ROBO2: variants seen among roughly 807,000 people sequenced by gnomAD.
ROBO2 encodes the protein roundabout guidance receptor 2, also known as roundabout homolog 2.
Under a neutral mutation model 160.8 loss-of-function variants are expected in ROBO2, and 53 were observed. The observed-to-expected ratio is 0.33, with a 90% confidence interval of 0.26 to 0.41. ROBO2 has a LOEUF of 0.41. Ranked by LOEUF, ROBO2 falls within the 10% of genes least tolerant of loss-of-function variation. ROBO2 has a pLI of 1.00. For synonymous variants in ROBO2, 664 were observed against 611.7 expected (o/e 1.09, Z -1.26); for missense variants, 1,577 against 1,722.4 (o/e 0.92, Z 1.49).
At chr3:77,086,322 T>C (rs933770310) in intron 1 of ROBO2, among the ~76,000 whole-genome samples, 2 of 152,098 alleles carry the variant, frequency 1.3e-5, no homozygotes, top group African/African-American at 4.8e-5. Context: ...CATTCAATCT[T>C]CTCAGCAATG....
At chr3:77,528,913 G>C (rs754716693) in intron 6 of ROBO2, among the ~76,000 whole-genome samples, 3 of 151,376 alleles carry the variant, frequency 2.0e-5, no homozygotes, top group African/African-American at 4.8e-5. Flanking sequence ...TATTTGTAGG[G>C]ATTCCTGTTA....
At chr3:76,204,754 C>T (rs187772473) in intron 2 of ROBO2, among the ~76,000 whole-genome samples, 1 of 152,134 alleles carries the variant, frequency 6.6e-6, no homozygotes, top group African/African-American at 2.4e-5. Flanking sequence ...AATCTGAGTT[C>T]ATCTTGCAGA....
At chr3:77,255,544 GA>G (rs1363490219) in intron 2 of ROBO2, among the ~76,000 whole-genome samples, 14 of 152,288 alleles carry the variant, frequency 9.2e-5, no homozygotes, top group African/African-American at 3.4e-4. Flanking sequence ...CCCACTTTCT[GA>G]ACTCAGGAAC....
intron 2 of ROBO2, among the ~76,000 whole-genome samples, chr3:76,318,674 G>A (rs1414957488): frequency 6.6e-6 from 1 of 152,074 alleles, no homozygotes; most frequent in Non-Finnish European, 1.5e-5. Context: ...TTACAACTTA[G>A]CTATAAAATT....
chr3:77,343,470 T>C (rs1338769045), intron 2 of ROBO2, among the ~76,000 whole-genome samples: 1 of 152,180 alleles, frequency 6.6e-6, no homozygotes, highest in East Asian at 1.9e-4. Context: ...ACAAGAAATT[T>C]ACTATTGATT....
At chr3:77,009,389 C>G (rs976904052) in intron 2 of ROBO2, among the ~76,000 whole-genome samples, 1 of 152,038 alleles carries the variant, frequency 6.6e-6, no homozygotes, top group Non-Finnish European at 1.5e-5. Context: ...TATATTAAAT[C>G]CAAGTTTTTA....
chr3:77,144,047 C>T (rs191924812), intron 2 of ROBO2, among the ~76,000 whole-genome samples: 13 of 152,206 alleles, frequency 8.5e-5, no homozygotes, highest in African/African-American at 1.7e-4. Flanking sequence ...CTGCATGATC[C>T]GATCTTACCT....
chr3:77,319,436 A>G (rs566128138), intron 2 of ROBO2, among the ~76,000 whole-genome samples: 12 of 152,302 alleles, frequency 7.9e-5, no homozygotes, highest in African/African-American at 2.6e-4. Flanking sequence ...AAGTTTCTGC[A>G]AACTGATAAC....
intron 2 of ROBO2, among the ~76,000 whole-genome samples, chr3:76,870,502 T>C (rs2071914245): frequency 6.6e-6 from 1 of 152,178 alleles, no homozygotes; most frequent in African/African-American, 2.4e-5. Flanking sequence ...CCCATTTCCA[T>C]GAGATGTGTG....
rs140745220 is a variant in ROBO2 at position 77,266,627 on chromosome 3, C to A, written c.388+168287C>A. ...TCTTGGAACGTTGGGTAGTGATGAACTTTGGACCAGGAAGACTTCTGTATA... is the reference window on the plus strand; with the variant it reads ...TCTTGGAACGTTGGGTAGTGATGAAATTTGGACCAGGAAGACTTCTGTATA... On this transcript the variant is annotated intron_variant, in intron 2 of 25. Transcript: ENST00000461745. 2.4e-3 allele frequency among the ~76,000 whole-genome samples: 370 copies of A among 152,238 alleles called. 2 individuals carry two copies. The highest frequency in any genetic ancestry group is 8.6e-3 in the African/African-American group (358 of 41,564).
intron 4 of ROBO2, among the ~76,000 whole-genome samples, chr3:77,487,488 A>G (rs2085510711): frequency 1.3e-5 from 2 of 152,208 alleles, no homozygotes; most frequent in African/African-American, 4.8e-5. Flanking sequence ...AGTTCTAGCC[A>G]AAAAGAAACT....
At chr3:77,044,676 AC>A (rs1285746655) in intron 1 of ROBO2, among the ~76,000 whole-genome samples, 1 of 152,114 alleles carries the variant, frequency 6.6e-6, no homozygotes, top group Non-Finnish European at 1.5e-5. Flanking sequence ...ATAATATTTT[AC>A]CTTTAGGTAT....
chr3:77,294,585 G>C (rs1441910261), intron 2 of ROBO2, among the ~76,000 whole-genome samples: 4 of 147,932 alleles, frequency 2.7e-5, no homozygotes, highest in Non-Finnish European at 3.0e-5. Flanking sequence ...AAACAGGTAA[G>C]CTGAGGCTAG....
chr3:76,338,377 T>A (rs7623766), intron 2 of ROBO2, among the ~76,000 whole-genome samples: 130,832 of 152,146 alleles, frequency 0.86, 57,858 homozygotes, highest in Non-Finnish European at 0.98. Context: ...GTTAGTCATA[T>A]AGCAATTTGA....
intron 5 of ROBO2, among the ~76,000 whole-genome samples, chr3:77,500,446 G>A (rs553882078): frequency 1.3e-5 from 2 of 152,096 alleles, no homozygotes; most frequent in South Asian, 4.2e-4. Context: ...AATTATTTAA[G>A]GATTTGAGTC....
intron 2 of ROBO2, among the ~76,000 whole-genome samples, chr3:77,468,524 G>A (rs565646360): frequency 6.6e-6 from 1 of 152,298 alleles, no homozygotes; most frequent in South Asian, 2.1e-4. Context: ...AAAACATTAA[G>A]GAAGACTTGG....
At chr3:76,965,652 C>T (rs1270539941) in intron 2 of ROBO2, among the ~76,000 whole-genome samples, 1 of 146,186 alleles carries the variant, frequency 6.8e-6, no homozygotes, top group Admixed American at 6.8e-5. Context: ...TTCTAGTTCT[C>T]ATATATCTAT....
At chr3:77,557,734 C>G (rs1391161467) in intron 8 of ROBO2, among the ~76,000 whole-genome samples, 1 of 151,404 alleles carries the variant, frequency 6.6e-6, no homozygotes, top group Admixed American at 6.6e-5. Flanking sequence ...AATAGTATGG[C>G]CTTAGTATAG....
chr3:77,051,509 A>G (rs1286490662), intron 1 of ROBO2, among the ~76,000 whole-genome samples: 1 of 152,164 alleles, frequency 6.6e-6, no homozygotes, highest in East Asian at 1.9e-4. Context: ...CATCACTTGG[A>G]TCTTATGAAA....
Sources: allele counts gnomAD v4.1 joint callset (sites outside exome capture counted in the v4.1 genomes callset), GRCh38; gene constraint gnomAD v4.1.1; transcripts MANE v1.5; gene names NCBI Gene and HGNC (gene_info 2026-07-23, HGNC 2026-07-21).